The following GRID1 variants were observed in gnomAD, a reference collection of about 807,000 sequenced individuals.
The protein encoded by GRID1 is glutamate receptor ionotropic, delta-1.
A neutral mutation model predicts 98.0 loss-of-function variants in GRID1; 28 were observed. The ratio of observed to expected loss-of-function variants is 0.29; its 90% confidence interval spans 0.21 to 0.39. GRID1 has a LOEUF of 0.39. Among genes scored for constraint, GRID1 ranks in the 10% least tolerant of loss-of-function variants. The pLI is 1.00. For missense variants in GRID1, 1,111 were observed against 1,340.5 expected (o/e 0.83, Z 2.67); for synonymous variants, 553 against 538.5 (o/e 1.03, Z -0.37).
intron 3 of GRID1, among the ~76,000 whole-genome samples, chr10:86,161,510 C>G (rs1010232881): frequency 2.6e-5 from 4 of 152,120 alleles, no homozygotes; most frequent in African/African-American, 9.7e-5. Context: ...AACCCCATTA[C>G]ACAGATGAGA....
intron 4 of GRID1, among the ~76,000 whole-genome samples, chr10:85,982,021 C>G (rs1178873814): frequency 6.6e-6 from 1 of 152,004 alleles, no homozygotes; most frequent in Admixed American, 6.5e-5. Context: ...GAGAGTGATC[C>G]AATGACAGGG....
intron 4 of GRID1, among the ~76,000 whole-genome samples, chr10:85,935,894 C>T (rs1291075735): frequency 6.6e-6 from 1 of 152,218 alleles, no homozygotes; most frequent in Non-Finnish European, 1.5e-5. Context: ...CTGCACACTA[C>T]CTTGCCTTAT....
At chr10:86,128,479 C>T (rs1844786989) in intron 4 of GRID1, among the ~76,000 whole-genome samples, 1 of 152,212 alleles carries the variant, frequency 6.6e-6, no homozygotes, top group Non-Finnish European at 1.5e-5. Flanking sequence ...GACCACAACC[C>T]TGTACATTGC....
At chr10:86,273,120 T>A (rs1234802555) in intron 2 of GRID1, among the ~76,000 whole-genome samples, 5 of 151,504 alleles carry the variant, frequency 3.3e-5, no homozygotes, top group Non-Finnish European at 7.4e-5. Context: ...TGTCCATGTG[T>A]TCTCATTGTT....
In GRID1 at chr10:85,875,966, T is replaced by C. The variant is rs553244273; in HGVS notation, c.781-6786A>G. On this transcript the variant is annotated intron_variant, in intron 5 of 15. Coordinates refer to ENST00000327946, the MANE Select transcript of GRID1 (RefSeq NM_017551.3). Reference sequence around the variant, plus strand: ...GATTGAGAATTTCCTTTAATTTGGGTTTGTTGGTGATAAACTCAGTTTTTG... The same window carrying C: ...GATTGAGAATTTCCTTTAATTTGGGCTTGTTGGTGATAAACTCAGTTTTTG... 2.0e-5 allele frequency among the ~76,000 whole-genome samples: 3 copies of C among 152,322 alleles called. No homozygotes were observed. The South Asian group carries it at 6.2e-4, about 32-fold the overall frequency.
intron 2 of GRID1, among the ~76,000 whole-genome samples, chr10:86,247,334 TG>T (rs1180773814): frequency 2.0e-5 from 3 of 150,396 alleles, no homozygotes; most frequent in African/African-American, 4.9e-5. Context: ...GATGAATAGA[TG>T]GGTGGGTAGA....
At chr10:86,203,232 T>C (rs532008966) in intron 3 of GRID1, among the ~76,000 whole-genome samples, 182 of 152,324 alleles carry the variant, frequency 1.2e-3, no homozygotes, top group Non-Finnish European at 2.0e-3. Flanking sequence ...TGCTTTTGAA[T>C]TGTGCTCATC....
Position 85,839,363 on chromosome 10 carries a change from A to G in GRID1, c.1233+15133T>C, listed in dbSNP as rs1578945. Among the ~76,000 whole-genome samples, 16 of 152,182 alleles carry G rather than the reference A, an allele frequency of 1.1e-4. No individual in the cohort carries two copies. In the East Asian group the frequency reaches 2.9e-3, roughly 28 times the overall value. ...ATCTTCTCATTGCCACATGGCACAT[A>G]TTTTACAATTGATCACATAATCCAA... On this transcript the variant is annotated intron_variant, in intron 8 of 15. Transcript: ENST00000327946.
chr10:86,225,795 T>G (rs1463700700), intron 2 of GRID1, among the ~76,000 whole-genome samples: 1 of 152,160 alleles, frequency 6.6e-6, no homozygotes, highest in African/African-American at 2.4e-5. Context: ...TAGCTGTACT[T>G]TAGTACCTGC....
chr10:86,028,118 G>A (rs903935348), intron 4 of GRID1, among the ~76,000 whole-genome samples: 1 of 152,196 alleles, frequency 6.6e-6, no homozygotes, highest in Admixed American at 6.5e-5. Flanking sequence ...TCACCCACCA[G>A]GTGTGTGTGG....
chr10:85,946,680 G>T (rs1473755789), intron 4 of GRID1, among the ~76,000 whole-genome samples: 1 of 152,184 alleles, frequency 6.6e-6, no homozygotes, highest in Non-Finnish European at 1.5e-5. Context: ...CGGGGATTGC[G>T]GGGGGAAGAA....
chr10:86,038,171 T>C (rs908144454), intron 4 of GRID1, among the ~76,000 whole-genome samples: 1 of 152,220 alleles, frequency 6.6e-6, no homozygotes, highest in East Asian at 1.9e-4. Flanking sequence ...TGTGAGACAA[T>C]AAATTCTGTT....
chr10:85,733,081 C>A (rs1841843173), intron 8 of GRID1, among the ~76,000 whole-genome samples: 1 of 152,160 alleles, frequency 6.6e-6, no homozygotes, highest in African/African-American at 2.4e-5. Flanking sequence ...GTCAATAGAT[C>A]CATAAGCCAG....
At chr10:85,984,152 T>G (rs1029473804) in intron 4 of GRID1, among the ~76,000 whole-genome samples, 1 of 151,848 alleles carries the variant, frequency 6.6e-6, no homozygotes, top group Non-Finnish European at 1.5e-5. Context: ...CTCCAACCCA[T>G]CTCCCTGGCT....
chr10:85,808,238 T>C (rs1005366197), intron 8 of GRID1, among the ~76,000 whole-genome samples: 1 of 152,200 alleles, frequency 6.6e-6, no homozygotes, highest in Non-Finnish European at 1.5e-5. Flanking sequence ...CAGATATTTT[T>C]AAATCAGTTT....
At chr10:85,793,297 C>A (rs1842497678) in intron 8 of GRID1, among the ~76,000 whole-genome samples, 1 of 152,180 alleles carries the variant, frequency 6.6e-6, no homozygotes, top group African/African-American at 2.4e-5. Flanking sequence ...CCCCACCTAG[C>A]AGCTGCTGTC....
intron 2 of GRID1, among the ~76,000 whole-genome samples, chr10:86,223,037 G>A (rs1184610859): frequency 6.6e-6 from 1 of 152,204 alleles, no homozygotes; most frequent in Non-Finnish European, 1.5e-5. Flanking sequence ...GCCTGGGCAT[G>A]TATGCTCCCA....
At chr10:85,991,183 T>C (rs1842675019) in intron 4 of GRID1, among the ~76,000 whole-genome samples, 1 of 152,124 alleles carries the variant, frequency 6.6e-6, no homozygotes, top group African/African-American at 2.4e-5. Flanking sequence ...CTGGGTCTAG[T>C]TCCTTACGAT....
intron 12 of GRID1, among the ~76,000 whole-genome samples, chr10:85,664,366 C>G (rs566739657): frequency 9.9e-5 from 15 of 152,248 alleles, no homozygotes; most frequent in African/African-American, 3.4e-4. Context: ...CAGTAAGGGG[C>G]AGCAAAGATT....
Sources: gnomAD v4.1 joint callset for allele counts (sites outside exome capture counted in the v4.1 genomes callset) on GRCh38, gnomAD v4.1.1 for gene constraint, MANE v1.5 for transcripts, NCBI Gene and HGNC (gene_info 2026-07-23, HGNC 2026-07-21) for gene names.